The following SLMAP variants were observed in gnomAD, a reference collection of about 807,000 sequenced individuals.
SLMAP encodes sarcolemmal membrane-associated protein.
Under a neutral mutation model 128.8 loss-of-function variants are expected in SLMAP, and 44 were observed. The ratio of observed to expected loss-of-function variants is 0.34; its 90% confidence interval spans 0.27 to 0.44. SLMAP has a LOEUF of 0.44. SLMAP is among the 20% of genes least tolerant of loss of function. The pLI, the probability that SLMAP is intolerant of heterozygous loss-of-function variation, is 1.00. For missense variants in SLMAP, 787 were observed against 985.3 expected, an observed-to-expected ratio of 0.80 and a Z score of 2.69; for synonymous variants, 327 against 348.8, an observed-to-expected ratio of 0.94 and a Z score of 0.70.
chr3:57,905,738 G>T (rs2096518447), intron 17 of SLMAP, among the ~76,000 whole-genome samples: 1 of 152,128 alleles, frequency 6.6e-6, no homozygotes, highest in Non-Finnish European at 1.5e-5. Context: ...TTGTAGAAAA[G>T]AAACCTGTGT....
intron 22 of SLMAP, chr3:57,918,027 A>G (rs1162403919): frequency 6.6e-6 from 1 of 152,196 alleles, no homozygotes; most frequent in African/African-American, 2.4e-5. Context: ...GAATTTGGCA[A>G]TGATTGTTCT....
In SLMAP at chr3:57,864,830, A is replaced by C; in HGVS notation, c.1159A>C (p.Lys387Gln). 6.3e-7 allele frequency: 1 copy of C among 1,589,414 alleles called. No individual in the cohort carries two copies. Among genetic ancestry groups the C allele is most frequent in the Non-Finnish European group, 8.6e-7 (1 of 1,169,464 alleles). The change falls in exon 12 of 25, where the codon AAA becomes CAA. Residue 387 changes from lysine to glutamine, a missense_variant. Transcript: ENST00000671191. ...LQVRLEHLQE[K>Q]TLKECSSLGI... ...AGTACGGTTAGAACATCTTCAGGAG[A>C]AAACTCTTAAAGAATGCAGCAGCTT...
chr3:57,831,078 G>A (rs1164610796), intron 2 of SLMAP, among the ~76,000 whole-genome samples: 1 of 152,086 alleles, frequency 6.6e-6, no homozygotes, highest in Non-Finnish European at 1.5e-5. Flanking sequence ...TCTCTTGGAT[G>A]TATACCTAGG....
chr3:57,768,080 G>A (rs2080094255), intron 2 of SLMAP, among the ~76,000 whole-genome samples: 1 of 152,128 alleles, frequency 6.6e-6, no homozygotes, highest in Admixed American at 6.5e-5. Context: ...GAATGAAACA[G>A]CCTTGGAAAA....
At chr3:57,805,372 A>G (rs1330932061) in intron 2 of SLMAP, among the ~76,000 whole-genome samples, 1 of 152,210 alleles carries the variant, frequency 6.6e-6, no homozygotes, top group East Asian at 1.9e-4. Flanking sequence ...AGATGTCCTT[A>G]TAGTGAATCT....
chr3:57,778,531 A>G (rs1425556454), intron 2 of SLMAP, among the ~76,000 whole-genome samples: 2 of 130,804 alleles, frequency 1.5e-5, no homozygotes, highest in Non-Finnish European at 3.4e-5. Flanking sequence ...CTTTGTGTTT[A>G]ATTTCCTCCT....
chr3:57,761,045 A>G (rs1247391880), intron 2 of SLMAP, among the ~76,000 whole-genome samples: 2 of 148,392 alleles, frequency 1.3e-5, no homozygotes, highest in East Asian at 3.9e-4. Context: ...TTTTTTTTTT[A>G]AACATCTGGG....
At chr3:57,910,367 A>G (rs1266961899) in intron 19 of SLMAP, among the ~76,000 whole-genome samples, 2 of 151,994 alleles carry the variant, frequency 1.3e-5, no homozygotes, top group African/African-American at 4.8e-5. Flanking sequence ...TATTTTTAGC[A>G]GAGATGGGGT....
At chr3:57,852,531 A>G (rs2094544736) in intron 6 of SLMAP, among the ~76,000 whole-genome samples, 1 of 152,228 alleles carries the variant, frequency 6.6e-6, no homozygotes, top group African/African-American at 2.4e-5. Flanking sequence ...AGAATTGTGA[A>G]GAATAAAAAA....
intron 2 of SLMAP, among the ~76,000 whole-genome samples, chr3:57,764,976 C>T (rs1353059232): frequency 6.6e-6 from 1 of 152,232 alleles, no homozygotes; most frequent in Non-Finnish European, 1.5e-5. Flanking sequence ...CCTGTGTGAA[C>T]TGAAGACTTT....
chr3:57,845,175 T>C (rs1341373483), intron 4 of SLMAP, among the ~76,000 whole-genome samples: 1 of 152,234 alleles, frequency 6.6e-6, no homozygotes, highest in Admixed American at 6.5e-5. Flanking sequence ...AGTAAAGTTA[T>C]ACATAATTTT....
chr3:57,913,055 G>A, intron 20 of SLMAP, 103 bp from the exon 21 acceptor site: 1 of 609,146 alleles, frequency 1.6e-6, no homozygotes, highest in Admixed American at 2.7e-5. Context: ...TGCTTTTAAG[G>A]GGGCAAAAAG....
intron 2 of SLMAP, among the ~76,000 whole-genome samples, chr3:57,781,119 C>T (rs962624094): frequency 6.6e-6 from 1 of 151,558 alleles, no homozygotes; most frequent in African/African-American, 2.4e-5. Context: ...GTGGTACATG[C>T]CTGTAGCCCC....
At chr3:57,833,704 A>G (rs925762595) in intron 3 of SLMAP, among the ~76,000 whole-genome samples, 2 of 152,100 alleles carry the variant, frequency 1.3e-5, no homozygotes, top group Non-Finnish European at 1.5e-5. Context: ...AGGCTAAGCC[A>G]TCACGCCTGG....
At chr3:57,892,865 G>A (rs961044464) in intron 15 of SLMAP, among the ~76,000 whole-genome samples, 21 of 127,708 alleles carry the variant, frequency 1.6e-4, no homozygotes, top group African/African-American at 5.1e-4. Flanking sequence ...ATGGAGTCTC[G>A]CTCTGTTGCG....
At chr3:57,825,500 C>CTTTTTTTTT (rs539901060) in intron 2 of SLMAP, among the ~76,000 whole-genome samples, 45 of 106,414 alleles carry the variant, frequency 4.2e-4, no homozygotes, top group Non-Finnish European at 6.3e-4. Context: ...TGTGTGTTTT[C>CTTTTTTTTT]TTTTTTTTTT....
At chr3:57,882,319 A>G (rs1200494417) in intron 14 of SLMAP, among the ~76,000 whole-genome samples, 1 of 152,196 alleles carries the variant, frequency 6.6e-6, no homozygotes, top group Non-Finnish European at 1.5e-5. Flanking sequence ...CAAAAAATTA[A>G]TATGTTAGGA....
chr3:57,776,015 T>A (rs912749677), intron 2 of SLMAP, among the ~76,000 whole-genome samples: 4 of 152,314 alleles, frequency 2.6e-5, no homozygotes, highest in African/African-American at 9.6e-5. Context: ...TTAAATAATT[T>A]AAAAAAATTA....
chr3:57,775,958 C>T (rs573746894), intron 2 of SLMAP, among the ~76,000 whole-genome samples: 1 of 152,250 alleles, frequency 6.6e-6, no homozygotes, highest in East Asian at 1.9e-4. Flanking sequence ...CTCGGCCTCC[C>T]AAAGTGTTGG....
Sources: gnomAD v4.1 joint callset for allele counts (sites outside exome capture counted in the v4.1 genomes callset) on GRCh38, gnomAD v4.1.1 for gene constraint, MANE v1.5 for transcripts, NCBI Gene and HGNC (gene_info 2026-07-23, HGNC 2026-07-21) for gene names.